Variants in ITPKB observed in about 807,000 individuals in gnomAD.
ITPKB encodes inositol-trisphosphate 3-kinase B.
Under a neutral mutation model 69.4 loss-of-function variants are expected in ITPKB, and 13 were observed. The observed-to-expected ratio is 0.19, with a 90% CI of 0.12 to 0.30. The LOEUF is 0.30. ITPKB is among the 10% of genes least tolerant of loss of function. The pLI is 1.00. For missense variants in ITPKB, 1,240 were observed against 1,250.5 expected (o/e 0.99, Z 0.13); for synonymous variants, 584 against 513.7 (o/e 1.14, Z -1.85).
intron 2 of ITPKB, among the ~76,000 whole-genome samples, chr1:226,664,211 G>A (rs1417904142): frequency 6.6e-6 from 1 of 152,226 alleles, no homozygotes; most frequent in Non-Finnish European, 1.5e-5. Flanking sequence ...ATGTATTCTG[G>A]AATGATAGAG....
chr1:226,692,207 C>T (rs1176349522), intron 2 of ITPKB, among the ~76,000 whole-genome samples: 13 of 152,142 alleles, frequency 8.5e-5, no homozygotes, highest in Non-Finnish European at 1.9e-4. Flanking sequence ...CTAAAGCTTA[C>T]ACTCTTTCCA....
Position 226,700,601 on chromosome 1 carries a change from T to G in ITPKB, c.1932+34926A>C, listed in dbSNP as rs143591553. On this transcript the variant is annotated intron_variant, in intron 2 of 7. Coordinates refer to ENST00000429204, the MANE Select transcript of ITPKB (RefSeq NM_002221.4). ...ATATATGTGAGGCGCTTTACACACA[T>G]TGCTGAGTTCCCACATAAACCCAAT... Among the ~76,000 whole-genome samples the G allele has an allele frequency of 5.5e-4, 84 of 151,936 alleles. No individual in the cohort carries two copies. In the East Asian group the frequency reaches 0.011, roughly 21 times the overall value.
intron 2 of ITPKB, among the ~76,000 whole-genome samples, chr1:226,661,973 T>C (rs1379715889): frequency 6.6e-6 from 1 of 152,222 alleles, no homozygotes; most frequent in Non-Finnish European, 1.5e-5. Flanking sequence ...TGAAAAGTCC[T>C]ATTCCTTGAC....
At chr1:226,646,248 C>T (rs1044104200) in intron 4 of ITPKB, among the ~76,000 whole-genome samples, 1 of 152,240 alleles carries the variant, frequency 6.6e-6, no homozygotes, top group African/African-American at 2.4e-5. Flanking sequence ...ACAACATGAG[C>T]ACCGCACGCT....
In ITPKB at chr1:226,634,375, G is replaced by A. The variant is rs1470717376; in HGVS notation, c.*296C>T. 7.7e-6 allele frequency: 3 copies of A among 392,140 alleles called. No homozygotes were observed. The highest frequency in any genetic ancestry group is 1.4e-5 in the Non-Finnish European group (3 of 213,760). 24.3% of individuals were successfully genotyped at this position (392,140 alleles called of 1,614,324 possible). A position where few individuals can be genotyped will look rare whatever the true frequency, so the allele number is the denominator to read the frequency against. On this transcript the variant is annotated 3_prime_UTR_variant, in exon 8 of 8. Coordinates refer to ENST00000429204, the MANE Select transcript of ITPKB (RefSeq NM_002221.4). This position sits in a 1 kb window ranked among gnomAD's most constrained non-coding sequence, Gnocchi z 6.3. Reference sequence around the variant, plus strand: ...GGCTCCCAGAGGCAGGGCTCATCTGGTAGGGTCCCCTCAGCAGCCAGGGAC... The same window carrying A: ...GGCTCCCAGAGGCAGGGCTCATCTGATAGGGTCCCCTCAGCAGCCAGGGAC...
At chr1:226,695,596 C>T (rs1185661747) in intron 2 of ITPKB, among the ~76,000 whole-genome samples, 1 of 152,188 alleles carries the variant, frequency 6.6e-6, no homozygotes, top group African/African-American at 2.4e-5. Context: ...AGCATTGAAC[C>T]CCGCCATCCT....
In ITPKB at chr1:226,701,251, CAGT is replaced by C. The variant is rs200647295; in HGVS notation, c.1932+34273_1932+34275del. Among the ~76,000 whole-genome samples the C allele has an allele frequency of 7.0e-4, 107 of 152,344 alleles. 1 individual carries two copies. The East Asian group carries it at 0.017, about 25-fold the overall frequency. On this transcript the variant is annotated intron_variant, in intron 2 of 7. Coordinates refer to ENST00000429204, the MANE Select transcript of ITPKB (RefSeq NM_002221.4). ...AACAGAACAGAAAGTGACACCCCAACAGTAGAATTCCTACAAATTCTAACTGTG... is the reference window on the plus strand; with the variant it reads ...AACAGAACAGAAAGTGACACCCCAACAGAATTCCTACAAATTCTAACTGTG...
intron 2 of ITPKB, among the ~76,000 whole-genome samples, chr1:226,681,880 G>C (rs1656100909): frequency 2.0e-5 from 3 of 152,162 alleles, no homozygotes; most frequent in Admixed American, 2.0e-4. Context: ...GTCCAAGCTG[G>C]GAGTTCAGAC....
intron 2 of ITPKB, among the ~76,000 whole-genome samples, chr1:226,719,667 A>G (rs751309978): frequency 1.3e-5 from 2 of 152,232 alleles, no homozygotes; most frequent in Non-Finnish European, 1.5e-5. Flanking sequence ...ATAAGCCCAC[A>G]ACAGCTTGTA....
In ITPKB at chr1:226,735,760, G is replaced by C; in HGVS notation, c.1699C>G (p.Pro567Ala). The C allele has an allele frequency of 6.3e-7, 1 of 1,598,204 alleles. No homozygotes were observed. Among genetic ancestry groups the C allele is most frequent in the Non-Finnish European group, 8.6e-7 (1 of 1,168,254 alleles). The change falls in exon 2 of 8, where the codon CCT becomes GCT. Residue 567 changes from proline (P) to alanine (A), a missense_variant. Pro to Ala is a conservative substitution (Grantham distance 27). Around this residue, in one of 2 missense-constraint regions of ITPKB, gnomAD observed 992 missense variants for 853.8 expected, o/e 1.16. Transcript: ENST00000429204. ...LRKACSPSNI[P>A]AVIITDMGTQ... Reference sequence around the variant, plus strand: ...CCCATGTCTGTAATGATGACAGCAGGTATGTTGCTGGGGCTGCAGGCCTTC... The same window carrying C: ...CCCATGTCTGTAATGATGACAGCAGCTATGTTGCTGGGGCTGCAGGCCTTC...
Position 226,640,336 on chromosome 1 carries a change from C to T in ITPKB, c.2452-678G>A, listed in dbSNP as rs1326728963. Reference sequence around the variant, plus strand: ...TTCTTTAGGGACAAAGGGAATGCTCCACCAGGAGTCCCAACAGTGGGCCGT... The same window carrying T: ...TTCTTTAGGGACAAAGGGAATGCTCTACCAGGAGTCCCAACAGTGGGCCGT... On this transcript the variant is annotated intron_variant, in intron 5 of 7. Coordinates refer to ENST00000429204, the MANE Select transcript of ITPKB (RefSeq NM_002221.4). 3.3e-5 allele frequency among the ~76,000 whole-genome samples: 5 copies of T among 152,202 alleles called. No homozygotes were observed. In the East Asian group the frequency reaches 5.8e-4, roughly 18 times the overall value.
At chr1:226,653,338 G>A (rs985947900) in intron 2 of ITPKB, among the ~76,000 whole-genome samples, 4 of 152,206 alleles carry the variant, frequency 2.6e-5, no homozygotes, top group Admixed American at 6.5e-5. Context: ...AGCAGGATGA[G>A]GGGACAAGAG....
At chr1:226,734,323 G>C (rs1285114157) in intron 2 of ITPKB, among the ~76,000 whole-genome samples, 1 of 152,216 alleles carries the variant, frequency 6.6e-6, no homozygotes, top group Non-Finnish European at 1.5e-5. Context: ...CAAAAATCCA[G>C]ACTGTGATTC....
In ITPKB at chr1:226,634,553, T is replaced by C. The variant is rs149753354; in HGVS notation, c.*118A>G. 2,429 of 623,612 alleles carry C rather than the reference T, an allele frequency of 3.9e-3. 54 individuals carry two copies. The African/African-American group carries it at 0.04, about 10-fold the overall frequency. The allele number at this position is 623,612 out of a possible 1,614,324, so 38.6% of individuals were successfully genotyped here. A position where few individuals can be genotyped will look rare whatever the true frequency, so the allele number is the denominator to read the frequency against. Reference sequence around the variant, plus strand: ...CTCATCTCCTCTTCTACAAAGTGTCTTGTAGTGCAGTTCAGGAGGGTCAGT... The same window carrying C: ...CTCATCTCCTCTTCTACAAAGTGTCCTGTAGTGCAGTTCAGGAGGGTCAGT... On this transcript the variant is annotated 3_prime_UTR_variant, in exon 8 of 8. Coordinates refer to ENST00000429204, the MANE Select transcript of ITPKB (RefSeq NM_002221.4). This position sits in a 1 kb window ranked among gnomAD's most constrained non-coding sequence, Gnocchi z 6.3.
At chr1:226,707,933 G>T in intron 2 of ITPKB, 1 of 1,330,368 alleles carries the variant, frequency 7.5e-7, no homozygotes, top group Non-Finnish European at 9.9e-7. Flanking sequence ...GAGAAGAAAA[G>T]AGGTCATTTT....
chr1:226,737,531 C>G lies in ITPKB; in HGVS notation c.-73G>C. 1 of 1,379,314 alleles carries G rather than the reference C, an allele frequency of 7.2e-7. No homozygotes were observed. The highest frequency in any genetic ancestry group is 9.4e-7 in the Non-Finnish European group (1 of 1,069,214). 85.4% of individuals were successfully genotyped at this position (1,379,314 alleles called of 1,614,324 possible). A position where few individuals can be genotyped will look rare whatever the true frequency, so the allele number is the denominator to read the frequency against. On this transcript the variant is annotated 5_prime_UTR_variant, in exon 2 of 8. Coordinates refer to ENST00000429204, the MANE Select transcript of ITPKB (RefSeq NM_002221.4). ...CGCCGCCGGCGCCTCCTCCTCCCGG[C>G]GCTCCCGGCTCAGCCCCGGAGGCCC... is the stretch of plus-strand genomic sequence containing the variant.
rs1657840146 is a variant in ITPKB at position 226,737,636 on chromosome 1, G to C, written c.-178C>G. ...GGGCACGACCGCGGGCTCAGCCCCC[G>C]CCCAAAGCTCCATAAACAACCGTGC... On this transcript the variant is annotated 5_prime_UTR_variant, in exon 2 of 8. Transcript: ENST00000429204. 9.0e-7 allele frequency: 1 copy of C among 1,109,316 alleles called. No homozygotes were observed. The highest frequency in any genetic ancestry group is 1.1e-6 in the Non-Finnish European group (1 of 908,798). The allele number at this position is 1,109,316 out of a possible 1,614,324, so 68.7% of individuals were successfully genotyped here. A position where few individuals can be genotyped will look rare whatever the true frequency, so the allele number is the denominator to read the frequency against.
At chr1:226,655,035 C>G (rs999202147) in intron 2 of ITPKB, among the ~76,000 whole-genome samples, 37 of 137,590 alleles carry the variant, frequency 2.7e-4, no homozygotes, top group Non-Finnish European at 2.0e-4. Flanking sequence ...AGGAAGAGGA[C>G]AGGGAAGAGG....
chr1:226,726,503 A>G (rs1487421181), intron 2 of ITPKB, among the ~76,000 whole-genome samples: 1 of 152,008 alleles, frequency 6.6e-6, no homozygotes, highest in African/African-American at 2.4e-5. Flanking sequence ...ATAGCAAGAG[A>G]TGTCTCTACT....
Sources: allele counts gnomAD v4.1 joint callset (sites outside exome capture counted in the v4.1 genomes callset), GRCh38; gene constraint gnomAD v4.1.1; regional missense constraint gnomAD v4.1.1; non-coding constraint Gnocchi (gnomAD v3.1); transcripts MANE v1.5; gene names NCBI Gene and HGNC (gene_info 2026-07-23, HGNC 2026-07-21).